Variants in ZNF367 observed in about 807,000 individuals in gnomAD.
The protein encoded by ZNF367 is C2H2 zinc finger protein ZFF29.
A neutral mutation model predicts 31.8 loss-of-function variants in ZNF367; 11 were observed. That is an observed-to-expected ratio of 0.35 (90% CI 0.22 to 0.57). ZNF367 has a LOEUF of 0.57. Ranked by LOEUF, ZNF367 falls within the 20% of genes least tolerant of loss-of-function variation. ZNF367 has a pLI of 0.85. For missense variants in ZNF367, 353 were observed against 484.1 expected, an observed-to-expected ratio of 0.73 and a Z score of 2.54; for synonymous variants, 199 against 202.4, an observed-to-expected ratio of 0.98 and a Z score of 0.14.
intron 2 of ZNF367, among the ~76,000 whole-genome samples, chr9:96,396,663 G>A (rs1057441222): frequency 1.3e-5 from 2 of 151,430 alleles, no homozygotes; most frequent in Non-Finnish European, 2.9e-5. Context: ...AGAAAGAGGT[G>A]AAATAAATTT....
chr9:96,410,759 T>A (rs546001073), intron 1 of ZNF367, among the ~76,000 whole-genome samples: 8 of 151,524 alleles, frequency 5.3e-5, no homozygotes, highest in Non-Finnish European at 1.0e-4. Flanking sequence ...GCGCCTATAG[T>A]CCCAGCTACT....
At chr9:96,409,582 T>G (rs1399139512) in intron 1 of ZNF367, among the ~76,000 whole-genome samples, 1 of 152,216 alleles carries the variant, frequency 6.6e-6, no homozygotes, top group Non-Finnish European at 1.5e-5. Context: ...ACTCAAGAAA[T>G]TCCCATGCAT....
chr9:96,404,408 C>A (rs1160093916), intron 1 of ZNF367, among the ~76,000 whole-genome samples: 2 of 152,130 alleles, frequency 1.3e-5, no homozygotes, highest in Non-Finnish European at 1.5e-5. Context: ...TCCTGGCTAA[C>A]ATGGTGAAAC....
intron 3 of ZNF367, among the ~76,000 whole-genome samples, chr9:96,394,418 T>C (rs914003794): frequency 6.6e-6 from 1 of 152,172 alleles, no homozygotes; most frequent in African/African-American, 2.4e-5. Flanking sequence ...GACCTAGTAT[T>C]TTATAGCACA....
intron 1 of ZNF367, among the ~76,000 whole-genome samples, chr9:96,405,084 G>A (rs895627147): frequency 3.3e-5 from 5 of 152,102 alleles, no homozygotes; most frequent in Non-Finnish European, 7.3e-5. Flanking sequence ...CACTTTGGGA[G>A]GCCAAGGTGG....
chr9:96,412,771 T>C (rs1310490753), intron 1 of ZNF367, among the ~76,000 whole-genome samples: 2 of 150,380 alleles, frequency 1.3e-5, no homozygotes, highest in Non-Finnish European at 3.0e-5. Context: ...TCTCAGCTCA[T>C]TGCAACCTCT....
intron 1 of ZNF367, chr9:96,407,614 C>G (rs879140893): frequency 6.8e-7 from 1 of 1,465,414 alleles, no homozygotes; most frequent in African/African-American, 1.4e-5. Flanking sequence ...TAAACAGAAA[C>G]GAAAAGAGAA....
chr9:96,392,676 A>G, intron 3 of ZNF367, 140 bp from the exon 4 acceptor site: 1 of 1,288,234 alleles, frequency 7.8e-7, no homozygotes, highest in Non-Finnish European at 1.1e-6. Flanking sequence ...GGAGAAAACA[A>G]TCAAACCAGC....
intron 1 of ZNF367, among the ~76,000 whole-genome samples, 157 bp from the exon 2 acceptor site, chr9:96,398,471 A>T (rs570803240): frequency 6.6e-6 from 1 of 152,284 alleles, no homozygotes; most frequent in East Asian, 1.9e-4. Flanking sequence ...TAGGAGGATC[A>T]CTTGAGGCCA....
chr9:96,404,564 G>C (rs1831648395), intron 1 of ZNF367, among the ~76,000 whole-genome samples: 1 of 151,318 alleles, frequency 6.6e-6, no homozygotes, highest in South Asian at 2.1e-4. Context: ...CTGCACTCCA[G>C]CCTGGGCAAC....
At chr9:96,397,411 A>G (rs567447916) in intron 2 of ZNF367, among the ~76,000 whole-genome samples, 39 of 152,316 alleles carry the variant, frequency 2.6e-4, no homozygotes, top group African/African-American at 9.1e-4. Context: ...GCTGCCTACC[A>G]TAGTTCACCA....
intron 2 of ZNF367, among the ~76,000 whole-genome samples, chr9:96,397,618 A>G (rs1831548292): frequency 6.6e-6 from 1 of 152,220 alleles, no homozygotes; most frequent in African/African-American, 2.4e-5. Flanking sequence ...ATCTAGGTTA[A>G]TTACCATGAT....
At chr9:96,405,967 A>G (rs900337946) in intron 1 of ZNF367, among the ~76,000 whole-genome samples, 4 of 152,232 alleles carry the variant, frequency 2.6e-5, no homozygotes, top group African/African-American at 9.6e-5. Context: ...GGAAATCTGA[A>G]TATGCTATGG....
chr9:96,408,879 C>T (rs1293324406), intron 1 of ZNF367, among the ~76,000 whole-genome samples: 2 of 152,138 alleles, frequency 1.3e-5, no homozygotes, highest in African/African-American at 2.4e-5. Flanking sequence ...TTGCTTTGGC[C>T]AATAAAATGT....
intron 1 of ZNF367, among the ~76,000 whole-genome samples, chr9:96,416,087 G>GT (rs34500193): frequency 0.015 from 1,913 of 125,004 alleles, 25 homozygotes; most frequent in East Asian, 0.036. Context: ...TTTTTTTGTT[G>GT]TTTTTTTTTT....
intron 1 of ZNF367, among the ~76,000 whole-genome samples, chr9:96,408,174 C>A (rs1157865080): frequency 6.6e-6 from 1 of 151,900 alleles, no homozygotes; most frequent in Non-Finnish European, 1.5e-5. Flanking sequence ...AACAAACCTG[C>A]ACGTTGTGCA....
chr9:96,405,337 A>AAAAAAAAAAAC (rs60465556), intron 1 of ZNF367, among the ~76,000 whole-genome samples: 1 of 149,918 alleles, frequency 6.7e-6, no homozygotes, highest in Non-Finnish European at 1.5e-5. Flanking sequence ...AAAAAAAAAA[A>AAAAAAAAAAAC]TCCTCAAAAT....
chr9:96,400,781 AAAT>A (rs1365465436), intron 1 of ZNF367, among the ~76,000 whole-genome samples: 1 of 152,232 alleles, frequency 6.6e-6, no homozygotes, highest in Non-Finnish European at 1.5e-5. Flanking sequence ...ATATTTGAAG[AAAT>A]AATGACAGAA....
rs113333391 is a variant in ZNF367, at chr9:96,403,991, C to G, written c.421-5677G>C. 2.5e-3 allele frequency among the ~76,000 whole-genome samples: 378 copies of G among 150,080 alleles called. 2 individuals carry two copies. Among genetic ancestry groups the G allele is most frequent in the African/African-American group, 8.8e-3 (357 of 40,750 alleles). ...GGTGGATTGTTTCAGCCCAAAAATT[C>G]GAGATCAGCCTGGGCAACCTGGTGA... On this transcript the variant is annotated intron_variant, in intron 1 of 4. Transcript: ENST00000375256.
Sources: allele counts gnomAD v4.1 joint callset (sites outside exome capture counted in the v4.1 genomes callset), GRCh38; gene constraint gnomAD v4.1.1; transcripts MANE v1.5; gene names NCBI Gene and HGNC (gene_info 2026-07-23, HGNC 2026-07-21).